PTPN12: variants seen among roughly 807,000 people sequenced by gnomAD.
The protein encoded by PTPN12 is protein tyrosine phosphatase non-receptor type 12, also known as tyrosine-protein phosphatase non-receptor type 12.
In PTPN12, 29 loss-of-function variants were observed where a neutral mutation model predicts 97.6. That is an observed-to-expected ratio of 0.30 (90% CI 0.22 to 0.41). The LOEUF (loss-of-function observed/expected upper bound fraction) is 0.41, where lower values mean the gene tolerates loss of function less well. Ranked by LOEUF, PTPN12 falls within the 10% of genes least tolerant of loss-of-function variation. The probability of loss-of-function intolerance (pLI) is 1.00; values close to 1 mark genes in which losing one functional copy is unlikely to be tolerated. For synonymous variants in PTPN12, 327 were observed against 300.4 expected, an observed-to-expected ratio of 1.09 and a Z score of -0.91; for missense variants, 819 against 926.0, an observed-to-expected ratio of 0.88 and a Z score of 1.50.
rs149676160 is a variant in PTPN12 at position 77,612,472 on chromosome 7, A to G, written c.939+1426A>G. 2.4e-4 allele frequency among the ~76,000 whole-genome samples: 37 copies of G among 152,170 alleles called. No homozygotes were observed. In the East Asian group the frequency reaches 5.8e-3, roughly 24 times the overall value. ...TTGTTTTTTGAAATGGAGTTTCACT[A>G]TTGTTGCCCAGGCTGGAGTGCAATG... On this transcript the variant is annotated intron_variant, in intron 11 of 17. Coordinates refer to ENST00000248594, the MANE Select transcript of PTPN12 (RefSeq NM_002835.4).
chr7:77,545,061 A>G (rs1807150139), intron 1 of PTPN12, among the ~76,000 whole-genome samples: 1 of 152,212 alleles, frequency 6.6e-6, no homozygotes, highest in Middle Eastern at 3.2e-3. Context: ...TCTTAAGGTA[A>G]CTTCTGTATT....
At chr7:77,608,561 A>T (rs1788452928) in intron 9 of PTPN12, among the ~76,000 whole-genome samples, 1 of 152,158 alleles carries the variant, frequency 6.6e-6, no homozygotes, top group South Asian at 2.1e-4. Flanking sequence ...TTAATCCTTC[A>T]TAGCTTTATA....
chr7:77,590,824 A>G (rs1249040569), intron 5 of PTPN12, among the ~76,000 whole-genome samples: 2 of 151,994 alleles, frequency 1.3e-5, no homozygotes, highest in Non-Finnish European at 2.9e-5. Flanking sequence ...TTGGCCTTCC[A>G]AAGTGCTGGG....
At chr7:77,611,590 G>A (rs762613425) in intron 11 of PTPN12, among the ~76,000 whole-genome samples, 4 of 152,092 alleles carry the variant, frequency 2.6e-5, no homozygotes, top group African/African-American at 4.8e-5. Context: ...GATTACAGGC[G>A]CACGCCACTG....
intron 9 of PTPN12, among the ~76,000 whole-genome samples, chr7:77,609,090 G>A (rs901520516): frequency 1.1e-4 from 16 of 151,846 alleles, no homozygotes; most frequent in Non-Finnish European, 2.4e-4. Flanking sequence ...CGTGGTGGCC[G>A]GCGCCTGTAA....
intron 14 of PTPN12, among the ~76,000 whole-genome samples, chr7:77,633,245 G>T (rs1367991926): frequency 6.6e-6 from 1 of 150,446 alleles, no homozygotes; most frequent in Non-Finnish European, 1.5e-5. Context: ...ACTCCAACCT[G>T]GGCAACAAGA....
chr7:77,628,018 A>G (rs1789264149), intron 13 of PTPN12, among the ~76,000 whole-genome samples: 1 of 152,246 alleles, frequency 6.6e-6, no homozygotes, highest in African/African-American at 2.4e-5. Flanking sequence ...ATCACTTAAA[A>G]TAACAGTGGC....
Position 77,571,078 on chromosome 7 carries a change from C to A in PTPN12, c.100C>A (p.Arg34=), listed in dbSNP as rs200867808. The A allele has an allele frequency of 6.5e-6, 10 of 1,531,198 alleles. No individual in the cohort carries two copies. In the East Asian group the frequency reaches 2.2e-4, roughly 33 times the overall value. The allele number at this position is 1,531,198 out of a possible 1,614,324, so 94.9% of individuals were successfully genotyped here. The change falls in exon 2 of 18, where the codon CGG becomes AGG. Residue 34 remains arginine, a splice_region_variant and synonymous_variant. Transcript: ENST00000248594. ...TAATTTTTATTTGTTGTATTTTAAG[C>A]GGTTAAGAAGATTGTCTACCAAATA... ...GEDNFARDFM[R]LRRLSTKYRT...
chr7:77,612,729 G>A (rs987776276), intron 11 of PTPN12, among the ~76,000 whole-genome samples: 4 of 150,330 alleles, frequency 2.7e-5, no homozygotes, highest in Admixed American at 6.6e-5. Context: ...GAGCCACCGC[G>A]CCCGGCCTCG....
chr7:77,543,933 T>G (rs1663557648), intron 1 of PTPN12, among the ~76,000 whole-genome samples: 2 of 152,250 alleles, frequency 1.3e-5, no homozygotes, highest in Admixed American at 1.3e-4. Context: ...GTATTTGAAT[T>G]GTTTCCACTT....
intron 2 of PTPN12, among the ~76,000 whole-genome samples, chr7:77,572,098 C>CTTTTTTTTT (rs35269832): frequency 1.5e-5 from 2 of 133,330 alleles, no homozygotes. Flanking sequence ...TTCTTGGTGA[C>CTTTTTTTTT]TTTTTTTTTT....
chr7:77,567,437 ATAAG>A (rs1036384870), intron 1 of PTPN12, among the ~76,000 whole-genome samples: 1 of 152,212 alleles, frequency 6.6e-6, no homozygotes, highest in Non-Finnish European at 1.5e-5. Context: ...AAATTAAAAG[ATAAG>A]TAAGCTTTGG....
rs558526944 is a variant in PTPN12, at chr7:77,638,374, T to G, written c.2174-250T>G. ...TATGTCAAGACCTAGATTTATGAAGTAAGAATAACGAGAATCCTCACATTG... is the reference window on the plus strand; with the variant it reads ...TATGTCAAGACCTAGATTTATGAAGGAAGAATAACGAGAATCCTCACATTG... On this transcript the variant is annotated intron_variant, in intron 16 of 17. Transcript: ENST00000248594. 6.8e-4 allele frequency among the ~76,000 whole-genome samples: 104 copies of G among 152,136 alleles called. 1 individual carries two copies. Among genetic ancestry groups the G allele is most frequent in the Admixed American group, 1.8e-3 (27 of 15,262 alleles).
At chr7:77,572,014 T>C (rs532436031) in intron 2 of PTPN12, among the ~76,000 whole-genome samples, 2 of 152,300 alleles carry the variant, frequency 1.3e-5, no homozygotes, top group East Asian at 1.9e-4. Context: ...TTTTGAAATA[T>C]CTACATTCCA....
chr7:77,615,086 A>C (rs1788704759), intron 11 of PTPN12, among the ~76,000 whole-genome samples: 1 of 152,224 alleles, frequency 6.6e-6, no homozygotes, highest in African/African-American at 2.4e-5. Flanking sequence ...ATAAGCAAAC[A>C]TCTGTTAAGT....
intron 5 of PTPN12, among the ~76,000 whole-genome samples, chr7:77,586,109 A>C (rs1451172737): frequency 6.6e-6 from 1 of 152,030 alleles, no homozygotes; most frequent in Non-Finnish European, 1.5e-5. Flanking sequence ...ATGTGCCACC[A>C]CAACTGGCTA....
In PTPN12 at chr7:77,627,199, C is replaced by T. The variant is rs1223778925; in HGVS notation, c.1520C>T (p.Ser507Leu). ...AGTGTAACACAATCAAACAAAGTTTCAGTTACTCCACCAGAAGAATCCCAG... is the reference window on the plus strand; with the variant it reads ...AGTGTAACACAATCAAACAAAGTTTTAGTTACTCCACCAGAAGAATCCCAG... Reference protein sequence around the residue: ...DCSVTQSNKVSVTPPEESQNS... With the variant: ...DCSVTQSNKVLVTPPEESQNS... The change falls in exon 13 of 18, where the codon TCA becomes TTA. Residue 507 changes from serine to leucine, a missense_variant. Transcript: ENST00000248594. The T allele has an allele frequency of 1.2e-6, 2 of 1,614,154 alleles. No homozygotes were observed. Among genetic ancestry groups the T allele is most frequent in the East Asian group, 4.5e-5 (2 of 44,884 alleles).
chr7:77,544,819 A>T (rs569259612), intron 1 of PTPN12, among the ~76,000 whole-genome samples: 36 of 152,360 alleles, frequency 2.4e-4, no homozygotes, highest in African/African-American at 8.2e-4. Context: ...TTGCATGTGC[A>T]GACATTGTAG....
Position 77,631,780 on chromosome 7 carries a change from T to C in PTPN12, c.1997-568T>C, listed in dbSNP as rs537734686. Among the ~76,000 whole-genome samples, 45 of 152,378 alleles carry C rather than the reference T, an allele frequency of 3.0e-4. No individual in the cohort carries two copies. The South Asian group carries it at 8.3e-3, about 28-fold the overall frequency. ...ATGAAGATTTTTTAAAAAACTTTAA[T>C]AGCTATATCTTTATCTGTTTTGGAA... On this transcript the variant is annotated intron_variant, in intron 13 of 17. Coordinates refer to ENST00000248594, the MANE Select transcript of PTPN12 (RefSeq NM_002835.4).
Sources: allele counts gnomAD v4.1 joint callset (sites outside exome capture counted in the v4.1 genomes callset), GRCh38; gene constraint gnomAD v4.1.1; transcripts MANE v1.5; gene names NCBI Gene and HGNC (gene_info 2026-07-23, HGNC 2026-07-21).